Variants in LRRC58 observed in about 807,000 individuals in gnomAD.
LRRC58 encodes leucine-rich repeat-containing protein 58.
A neutral mutation model predicts 30.6 loss-of-function variants in LRRC58; 18 were observed. That is an observed-to-expected ratio of 0.59 (90% CI 0.41 to 0.87). The LOEUF is 0.87. Ranked by LOEUF, LRRC58 falls within the 40% of genes least tolerant of loss-of-function variation. The pLI is 0.00. For synonymous variants in LRRC58, 221 were observed against 206.0 expected (o/e 1.07, Z -0.62); for missense variants, 420 against 468.4 (o/e 0.90, Z 0.95).
chr3:120,335,214 T>C lies in LRRC58; in HGVS notation c.630-75A>G, dbSNP rs559683231. On this transcript the variant is annotated intron_variant, in intron 2 of 3. Transcript: ENST00000295628. ...CAAAAATATTGAATATATGTGTGTA[T>C]ACAGAACTTGATTTCCCCTTAAGAA... 6.4e-5 allele frequency: 82 copies of C among 1,285,036 alleles called. No homozygotes were observed. The African/African-American group carries it at 1.0e-3, about 16-fold the overall frequency. 79.6% of individuals were successfully genotyped at this position (1,285,036 alleles called of 1,614,324 possible). A position where few individuals can be genotyped will look rare whatever the true frequency, so the allele number is the denominator to read the frequency against.
intron 1 of LRRC58, among the ~76,000 whole-genome samples, chr3:120,336,895 A>G (rs1045495295): frequency 6.7e-6 from 1 of 148,900 alleles, no homozygotes; most frequent in Non-Finnish European, 1.5e-5. Flanking sequence ...ATAAATAAAT[A>G]AAATGTATAC....
chr3:120,343,150 T>C (rs1935924934), intron 1 of LRRC58, among the ~76,000 whole-genome samples: 1 of 152,250 alleles, frequency 6.6e-6, no homozygotes, highest in African/African-American at 2.4e-5. Flanking sequence ...ACTAAGGCCA[T>C]GATTTTGCAA....
chr3:120,334,985 G>C lies in LRRC58; in HGVS notation c.784C>G (p.Leu262Val). The C allele has an allele frequency of 6.2e-7, 1 of 1,613,878 alleles. No individual in the cohort carries two copies. The highest frequency in any genetic ancestry group is 2.2e-5 in the East Asian group (1 of 44,864). Residue 262 changes from leucine (L) to valine (V), a missense_variant, in exon 3 of 4, where the codon CTC becomes GTC. Leu to Val is a conservative substitution (Grantham distance 32). Transcript: ENST00000295628. ...ATGGTCCGTGCAGCTAATTCCAGGA[G>C]AGTTGGAGGATCATAGGTTAAATCT... ...VRDLTYDPPT[L>V]LELAARTIKI... is the part of the protein sequence containing the mutation.
chr3:120,337,347 T>C (rs956830571), intron 1 of LRRC58, among the ~76,000 whole-genome samples: 1 of 152,232 alleles, frequency 6.6e-6, no homozygotes, highest in Non-Finnish European at 1.5e-5. Context: ...GTGTTTTTAA[T>C]CTGCAGATCT....
chr3:120,340,018 G>A (rs1055718522), intron 1 of LRRC58, among the ~76,000 whole-genome samples: 14 of 149,518 alleles, frequency 9.4e-5, no homozygotes, highest in African/African-American at 4.9e-5. Context: ...CCGCCACCAC[G>A]CCTGGCTAAT....
At chr3:120,337,657 T>C (rs1048130247) in intron 1 of LRRC58, among the ~76,000 whole-genome samples, 10 of 152,286 alleles carry the variant, frequency 6.6e-5, no homozygotes, top group Admixed American at 6.5e-4. Flanking sequence ...TCTTATTATT[T>C]TGCCTTCTTG....
Position 120,349,083 on chromosome 3 carries a change from T to C in LRRC58, c.161A>G (p.Asn54Ser), listed in dbSNP as rs1936018188. ...CGCCCGTGGCAGCGACACCAGACGG[T>C]TGTGAGGCAGCAGCAGCCGCAGCAG... is the stretch of plus-strand genomic sequence containing the variant. ...EALLRLLLPH[N>S]RLVSLPRALG... The change falls in exon 1 of 4, where the codon AAC (asparagine) becomes AGC (serine). Residue 54 changes from asparagine to serine, a missense_variant. Asn to Ser is a conservative substitution (Grantham distance 46). This residue lies in a region of LRRC58 where 266 missense variants were observed against 251.7 expected (regional missense o/e 1.06). Transcript: ENST00000295628. 3.3e-6 allele frequency: 5 copies of C among 1,515,908 alleles called. No homozygotes were observed. The highest frequency in any genetic ancestry group is 4.4e-6 in the Non-Finnish European group (5 of 1,140,562). The allele number at this position is 1,515,908 out of a possible 1,614,324, so 93.9% of individuals were successfully genotyped here.
intron 1 of LRRC58, among the ~76,000 whole-genome samples, chr3:120,336,905 CAA>C (rs1935842662): frequency 6.7e-6 from 1 of 149,788 alleles, no homozygotes; most frequent in Non-Finnish European, 1.5e-5. Context: ...AAAATGTATA[CAA>C]ACACATACAG....
intron 3 of LRRC58, among the ~76,000 whole-genome samples, chr3:120,332,517 T>C (rs1380992960): frequency 6.6e-6 from 1 of 151,954 alleles, no homozygotes; most frequent in African/African-American, 2.4e-5. Flanking sequence ...TCCCCTAAAA[T>C]GTGTTAGCTT....
Position 120,349,010 on chromosome 3 carries a change from G to C in LRRC58, c.234C>G (p.Asn78Lys). ...PHLQLLDVSG[N>K]ALTALGPELL... ...GCTCCGGCCCGAGCGCGGTCAACGC[G>C]TTGCCGCTCACGTCCAGCAGCTGGA... The change falls in exon 1 of 4, where the codon AAC becomes AAG. Residue 78 changes from asparagine (N) to lysine (K), a missense_variant. Around this residue, in one of 2 missense-constraint regions of LRRC58, gnomAD observed 266 missense variants for 251.7 expected, o/e 1.06. Coordinates refer to ENST00000295628, the MANE Select transcript of LRRC58 (RefSeq NM_001099678.2). 1 of 1,520,812 alleles carries C rather than the reference G, an allele frequency of 6.6e-7. No homozygotes were observed. The highest frequency in any genetic ancestry group is 2.6e-5 in the East Asian group (1 of 38,476). The allele number at this position is 1,520,812 out of a possible 1,614,324, so 94.2% of individuals were successfully genotyped here.
At chr3:120,332,230 G>A (rs1935767208) in intron 3 of LRRC58, among the ~76,000 whole-genome samples, 1 of 152,198 alleles carries the variant, frequency 6.6e-6, no homozygotes, top group Non-Finnish European at 1.5e-5. Flanking sequence ...CACCTCTCTG[G>A]AGAGGAATCT....
rs1935815452 is a variant in LRRC58, at chr3:120,335,041, C to T, written c.728G>A (p.Arg243Gln). Residue 243 changes from arginine (R) to glutamine (Q), a missense_variant, in exon 3 of 4, where the codon CGA (arginine) becomes CAA (glutamine). Coordinates refer to ENST00000295628, the MANE Select transcript of LRRC58 (RefSeq NM_001099678.2). Reference protein sequence around the residue: ...NLIHLEELSLRGNPLVVRFVR... With the variant: ...NLIHLEELSLQGNPLVVRFVR... ...AAAACGAACAACCAATGGATTTCCT[C>T]GTAAACTCAACTCTTCCAAATGAAT... 5 of 1,613,908 alleles carry T rather than the reference C, an allele frequency of 3.1e-6. No homozygotes were observed. The highest frequency in any genetic ancestry group is 3.4e-6 in the Non-Finnish European group (4 of 1,179,862).
At position 120,330,743 on chromosome 3, in the gene LRRC58, AATATATATGGT is replaced by A. The variant is rs1319327109; in HGVS notation, c.*446_*456del. ...AGGGTTAATCCTGTTTATGGCATAT[AATATATATGGT>A]ATATATAGTATATATGGTATATAGT... is the stretch of plus-strand genomic sequence containing the variant. On this transcript the variant is annotated 3_prime_UTR_variant, in exon 4 of 4. Coordinates refer to ENST00000295628, the MANE Select transcript of LRRC58 (RefSeq NM_001099678.2). 6.5e-6 allele frequency: 1 copy of A among 154,898 alleles called. No homozygotes were observed. The highest frequency in any genetic ancestry group is 1.4e-5 in the Non-Finnish European group (1 of 69,770). 9.6% of individuals were successfully genotyped at this position (154,898 alleles called of 1,614,324 possible). A position where few individuals can be genotyped will look rare whatever the true frequency, so the allele number is the denominator to read the frequency against.
At chr3:120,334,750 G>A (rs1935810914) in intron 3 of LRRC58, 112 bp downstream of exon 3, 1 of 993,888 alleles carries the variant, frequency 1.0e-6, no homozygotes. Flanking sequence ...TCTCATAAAT[G>A]AGTGAAAAAA....
intron 1 of LRRC58, among the ~76,000 whole-genome samples, chr3:120,347,376 A>ATTTTTTT (rs1208688984): frequency 7.8e-5 from 4 of 51,106 alleles, no homozygotes; most frequent in African/African-American, 3.3e-4. Flanking sequence ...CCAGGCCAAT[A>ATTTTTTT]TTCTTTTTTT....
chr3:120,331,154 AT>A lies in LRRC58; in HGVS notation c.*45del. ...TCAAGCTCTATTTTCTTGTCTAACC[AT>A]TTTGCTCAGTTTTTTAAGTATTTCA... On this transcript the variant is annotated 3_prime_UTR_variant, in exon 4 of 4. Coordinates refer to ENST00000295628, the MANE Select transcript of LRRC58 (RefSeq NM_001099678.2). 6.5e-7 allele frequency: 1 copy of A among 1,538,172 alleles called. No homozygotes were observed. Among genetic ancestry groups the A allele is most frequent in the Non-Finnish European group, 9.0e-7 (1 of 1,112,042 alleles).
intron 1 of LRRC58, 37 bp from the exon 2 acceptor site, chr3:120,335,990 A>G (rs1470113899): frequency 2.1e-6 from 3 of 1,435,370 alleles, no homozygotes; most frequent in South Asian, 2.4e-5. Flanking sequence ...AAAAGTAAAT[A>G]AAGTTGAAAA....
At chr3:120,331,532 A>G (rs568898599) in intron 3 of LRRC58, 124 bp from the exon 4 acceptor site, 1 of 747,882 alleles carries the variant, frequency 1.3e-6, no homozygotes, top group South Asian at 1.7e-5. Context: ...CTTAAGCAGA[A>G]GTAGTACTTG....
chr3:120,331,878 C>T (rs1217563906), intron 3 of LRRC58, among the ~76,000 whole-genome samples: 1 of 152,170 alleles, frequency 6.6e-6, no homozygotes, highest in African/African-American at 2.4e-5. Context: ...TTCTTATGTA[C>T]TGGGAAGGCA....
Sources: gnomAD v4.1 joint callset for allele counts (sites outside exome capture counted in the v4.1 genomes callset) on GRCh38, gnomAD v4.1.1 for gene constraint, gnomAD v4.1.1 regional missense constraint, MANE v1.5 for transcripts, NCBI Gene and HGNC (gene_info 2026-07-23, HGNC 2026-07-21) for gene names.